ASPA: variants seen among roughly 807,000 people sequenced by gnomAD.
ASPA encodes ACY-2.
ASPA carries 25 observed loss-of-function variants against 29.6 expected under a neutral mutation model. The ratio of observed to expected loss-of-function variants is 0.85; its 90% CI spans 0.62 to 1.18. ASPA has a LOEUF of 1.18. ASPA is among the 50% of genes most tolerant of loss of function. The pLI is 0.00. For missense variants in ASPA, 333 were observed against 385.7 expected (o/e 0.86, Z 1.14); for synonymous variants, 131 against 130.3 (o/e 1.01, Z -0.04).
In ASPA at chr17:3,499,135, T is replaced by C. The variant is rs542964746; in HGVS notation, c.*47T>C. 1 of 1,579,918 alleles carries C rather than the reference T, an allele frequency of 6.3e-7. No homozygotes were observed. Among genetic ancestry groups the C allele is most frequent in the Admixed American group, 1.8e-5 (1 of 56,636 alleles). On this transcript the variant is annotated 3_prime_UTR_variant, in exon 6 of 6. Coordinates refer to ENST00000263080, the MANE Select transcript of ASPA (RefSeq NM_000049.4). ...TTACACGGTGTCTTACAAATTCTGC[T>C]AGTCTGTAAGCTCCTTAAGAGTAGG...
chr17:3,483,207 A>G (rs1196424655), intron 2 of ASPA, among the ~76,000 whole-genome samples: 3 of 152,174 alleles, frequency 2.0e-5, no homozygotes, highest in Non-Finnish European at 4.4e-5. Flanking sequence ...ACATCCATTA[A>G]GAAAGAACAT....
intron 4 of ASPA, among the ~76,000 whole-genome samples, chr17:3,492,574 G>T (rs1469406326): frequency 6.6e-6 from 1 of 152,158 alleles, no homozygotes; most frequent in Non-Finnish European, 1.5e-5. Flanking sequence ...CATGTGAATT[G>T]TTTTGTGCCA....
chr17:3,489,244 T>C lies in ASPA; in HGVS notation c.536T>C (p.Val179Ala), dbSNP rs745553536. Residue 179 changes from valine to alanine, a missense_variant, in exon 4 of 6, where the codon GTT becomes GCT. Val to Ala is a moderately conservative substitution (Grantham distance 64, BLOSUM62 0). Transcript: ENST00000263080. ...CTCCTTCTGTACCTAGGTATAGAAG[T>C]TGGTCCTCAGCCTCAAGGGGTTCTG... ...SIAKYPVGIE[V>A]GPQPQGVLRA... 1.9e-6 allele frequency: 3 copies of C among 1,608,488 alleles called. No homozygotes were observed. In the East Asian group the frequency reaches 6.7e-5, roughly 36 times the overall value.
In ASPA at chr17:3,495,135, G is replaced by A. The variant is rs183563688; in HGVS notation, c.744+676G>A. ...GAGAGAATGTAGGAGGTTTAAATCC[G>A]GAAAAGGCAAAGGGAAAAGGAGAGA... On this transcript the variant is annotated intron_variant, in intron 5 of 5. Coordinates refer to ENST00000263080, the MANE Select transcript of ASPA (RefSeq NM_000049.4). Among the ~76,000 whole-genome samples, 135 of 152,034 alleles carry A rather than the reference G, an allele frequency of 8.9e-4. 3 individuals are homozygous for A. Among genetic ancestry groups the A allele is most frequent in the Admixed American group, 1.1e-3 (17 of 15,284 alleles).
At chr17:3,486,214 G>T (rs546694161) in intron 3 of ASPA, among the ~76,000 whole-genome samples, 1 of 152,154 alleles carries the variant, frequency 6.6e-6, no homozygotes, top group East Asian at 1.9e-4. Flanking sequence ...GATTACAGGC[G>T]TGAGCCACCG....
rs1340798463 is a variant in ASPA at position 3,502,970 on chromosome 17, A to G, written c.*3882A>G. The G allele has an allele frequency of 6.6e-6, 1 of 152,244 alleles. No homozygotes were observed. The highest frequency in any genetic ancestry group is 1.5e-5 in the Non-Finnish European group (1 of 68,052). 9.4% of individuals were successfully genotyped at this position (152,244 alleles called of 1,614,324 possible). ...TATGGTTTGCAAATACAGTCTTTCA[A>G]GAAGTCCTGCCATGTCCTAAATGCC... On this transcript the variant is annotated 3_prime_UTR_variant, in exon 6 of 6. Transcript: ENST00000263080.
Position 3,485,165 on chromosome 17 carries a change from C to T in ASPA, c.526+1573C>T, listed in dbSNP as rs918265224. 2.0e-5 allele frequency among the ~76,000 whole-genome samples: 3 copies of T among 152,066 alleles called. No homozygotes were observed. Among genetic ancestry groups the T allele is most frequent in the Non-Finnish European group, 2.9e-5 (2 of 68,006 alleles). On this transcript the variant is annotated intron_variant, in intron 3 of 5. Coordinates refer to ENST00000263080, the MANE Select transcript of ASPA (RefSeq NM_000049.4). The surrounding 1 kb of genome is among the most constrained non-coding windows in gnomAD (Gnocchi z 4.4). ...TCCCAAGTAGCTTGAACTACAGGCA[C>T]GTGCCACCACATTCAGCTAATTTTT...
Position 3,499,203 on chromosome 17 carries a change from C to A in ASPA, c.*115C>A. 1 of 1,084,172 alleles carries A rather than the reference C, an allele frequency of 9.2e-7. No homozygotes were observed. The highest frequency in any genetic ancestry group is 1.3e-6 in the Non-Finnish European group (1 of 765,926). The allele number at this position is 1,084,172 out of a possible 1,614,324, so 67.2% of individuals were successfully genotyped here. ...TGCATACATAGCTCCTAGCACAGTG[C>A]CTTATTCGGTAGGCATCTAAGCACA... On this transcript the variant is annotated 3_prime_UTR_variant, in exon 6 of 6. Coordinates refer to ENST00000263080, the MANE Select transcript of ASPA (RefSeq NM_000049.4).
intron 2 of ASPA, 72 bp downstream of exon 2, chr17:3,481,870 A>T: frequency 7.3e-7 from 1 of 1,362,422 alleles, no homozygotes; most frequent in Non-Finnish European, 1.0e-6. Flanking sequence ...GATGTGAGAC[A>T]ATCAGAAAAC....
chr17:3,489,817 C>A (rs948315571), intron 4 of ASPA, among the ~76,000 whole-genome samples: 1 of 152,188 alleles, frequency 6.6e-6, no homozygotes, highest in Non-Finnish European at 1.5e-5. Context: ...ACAGCATCCA[C>A]TTCTTAAAAC....
At chr17:3,496,029 A>G (rs1003912707) in intron 5 of ASPA, among the ~76,000 whole-genome samples, 6 of 152,236 alleles carry the variant, frequency 3.9e-5, no homozygotes, top group Non-Finnish European at 7.3e-5. Context: ...GAGGAGTACA[A>G]AAATAATCCC....
chr17:3,481,762 G>A lies in ASPA; in HGVS notation c.396G>A (p.Arg132=), dbSNP rs766883736. Residue 132 remains arginine, a synonymous_variant, in exon 2 of 6, where the codon AGG becomes AGA. Coordinates refer to ENST00000263080, the MANE Select transcript of ASPA (RefSeq NM_000049.4). ...MGCTLILEDS[R]NNFLIQMFHY... The stretch of plus-strand genomic sequence containing the variant: ...GCACTCTTATTCTTGAGGATTCCAG[G>A]AATAACTTTTTAATTCAGATGTTTC... 6 of 1,612,414 alleles carry A rather than the reference G, an allele frequency of 3.7e-6. No individual in the cohort carries two copies. In the Admixed American group the frequency reaches 8.3e-5, roughly 22 times the overall value.
chr17:3,482,753 C>T lies in ASPA; in HGVS notation c.433-746C>T, dbSNP rs2073652513. Among the ~76,000 whole-genome samples the T allele has an allele frequency of 2.0e-5, 3 of 150,672 alleles. No individual in the cohort carries two copies. The Admixed American group carries it at 2.0e-4, about 10-fold the overall frequency. On this transcript the variant is annotated intron_variant, in intron 2 of 5. Transcript: ENST00000263080. ...CTGGGTAGTGGTCCTGGTAGGAGAT[C>T]ATAATGTAGCGATTCTTTTTTTTTT... is the stretch of plus-strand genomic sequence containing the variant.
intron 4 of ASPA, among the ~76,000 whole-genome samples, chr17:3,491,369 T>C (rs777302659): frequency 3.3e-5 from 5 of 152,052 alleles, no homozygotes; most frequent in Non-Finnish European, 7.4e-5. Context: ...AAATTCTGAG[T>C]CCGTAATCCA....
intron 1 of ASPA, among the ~76,000 whole-genome samples, chr17:3,479,040 T>C (rs79502178): frequency 6.6e-6 from 1 of 152,350 alleles, no homozygotes; most frequent in South Asian, 2.1e-4. Flanking sequence ...CTTCCTGTCA[T>C]CTATTTTCCA....
chr17:3,478,716 G>A (rs1259454752), intron 1 of ASPA, among the ~76,000 whole-genome samples: 1 of 152,070 alleles, frequency 6.6e-6, no homozygotes, highest in Non-Finnish European at 1.5e-5. Flanking sequence ...TTCCCAGCGT[G>A]GTTGAAAAAT....
chr17:3,496,980 T>G (rs963323891), intron 5 of ASPA, among the ~76,000 whole-genome samples: 4 of 152,142 alleles, frequency 2.6e-5, no homozygotes, highest in African/African-American at 9.7e-5. Flanking sequence ...GCAGGAAAAT[T>G]GCTTGAACTC....
At chr17:3,481,315 T>C (rs2073623294) in intron 1 of ASPA, among the ~76,000 whole-genome samples, 1 of 152,190 alleles carries the variant, frequency 6.6e-6, no homozygotes. Flanking sequence ...GCGTTCAAGA[T>C]TGAAATCAAA....
upstream of ASPA, chr17:3,475,970 A>C (rs892237861): frequency 6.6e-6 from 4 of 609,896 alleles, no homozygotes; most frequent in Admixed American, 1.1e-4. Context: ...GCAGGGCTAA[A>C]GAAGGGAGTG....
Sources: gnomAD v4.1 joint callset for allele counts (sites outside exome capture counted in the v4.1 genomes callset) on GRCh38, gnomAD v4.1.1 for gene constraint, Gnocchi (gnomAD v3.1) non-coding constraint, MANE v1.5 for transcripts, NCBI Gene and HGNC (gene_info 2026-07-23, HGNC 2026-07-21) for gene names.